Variants in NTNG1 observed in about 807,000 individuals in gnomAD.
NTNG1 encodes the protein netrin-G1.
NTNG1 carries 16 observed loss-of-function variants against 54.0 expected under a neutral mutation model. That is an observed-to-expected ratio of 0.30 (90% CI 0.20 to 0.45). The LOEUF is 0.45. Ranked by LOEUF, NTNG1 falls within the 20% of genes least tolerant of loss-of-function variation. The probability of loss-of-function intolerance (pLI) is 1.00; values close to 1 mark genes in which losing one functional copy is unlikely to be tolerated. For missense variants in NTNG1, 530 were observed against 678.7 expected (o/e 0.78, Z 2.43); for synonymous variants, 255 against 263.1 (o/e 0.97, Z 0.30).
intron 5 of NTNG1, among the ~76,000 whole-genome samples, chr1:107,422,450 G>A (rs531746771): frequency 5.7e-4 from 86 of 152,152 alleles, no homozygotes; most frequent in Non-Finnish European, 9.4e-4. Flanking sequence ...TGCATCTCTA[G>A]TTTCTTGAGG....
At chr1:107,320,258 C>A (rs1667576715) in intron 2 of NTNG1, among the ~76,000 whole-genome samples, 1 of 152,010 alleles carries the variant, frequency 6.6e-6, no homozygotes, top group African/African-American at 2.4e-5. Flanking sequence ...TCTGCTTTGT[C>A]CACAATCAGC....
chr1:107,318,472 A>G (rs1438073974), intron 2 of NTNG1, among the ~76,000 whole-genome samples: 2 of 152,146 alleles, frequency 1.3e-5, no homozygotes, highest in Non-Finnish European at 2.9e-5. Flanking sequence ...AAGGAAAGAA[A>G]AAAAATCATA....
chr1:107,155,438 A>C (rs970767673), intron 2 of NTNG1, among the ~76,000 whole-genome samples: 2 of 151,876 alleles, frequency 1.3e-5, no homozygotes, highest in Non-Finnish European at 2.9e-5. Flanking sequence ...CTCTATCTCT[A>C]TCTCTCTATC....
rs148065837 is a variant in NTNG1, at chr1:107,336,515, A to C, written c.887+11593A>C. Among the ~76,000 whole-genome samples, 83 of 152,154 alleles carry C rather than the reference A, an allele frequency of 5.5e-4. 2 individuals are homozygous for C. In the East Asian group the frequency reaches 0.016, roughly 29 times the overall value. On this transcript the variant is annotated intron_variant, in intron 3 of 7. Coordinates refer to ENST00000370068, the MANE Select transcript of NTNG1 (RefSeq NM_001113226.3). ...CCTAAATGTAAGAGCTAAAACTATG[A>C]AATGTTTAGAAAAAAACAAAGGAAG...
At chr1:107,385,595 A>G (rs74746150) in intron 3 of NTNG1, among the ~76,000 whole-genome samples, 1 of 147,418 alleles carries the variant, frequency 6.8e-6, no homozygotes, top group Non-Finnish European at 1.5e-5. Flanking sequence ...GTTGTGAGGA[A>G]AAAAAAAAAA....
rs1056137155 is a variant in NTNG1, at chr1:107,191,611, G to A, written c.246+42772G>A. ...GCTTGAATTAATTTTTGTATAAGGT[G>A]TAAGGAAGGGATCCAGTTTCAGCTT... On this transcript the variant is annotated intron_variant, in intron 2 of 7. Transcript: ENST00000370068. 1.6e-3 allele frequency among the ~76,000 whole-genome samples: 237 copies of A among 151,914 alleles called. 1 individual carries two copies. Among genetic ancestry groups the A allele is most frequent in the African/African-American group, 5.5e-3 (226 of 41,288 alleles).
At chr1:107,190,920 A>G (rs1657863491) in intron 2 of NTNG1, among the ~76,000 whole-genome samples, 1 of 152,196 alleles carries the variant, frequency 6.6e-6, no homozygotes. Context: ...AGCATGATTT[A>G]TAATCCTTTG....
At chr1:107,193,985 T>C (rs1570812220) in intron 2 of NTNG1, among the ~76,000 whole-genome samples, 1 of 152,130 alleles carries the variant, frequency 6.6e-6, no homozygotes, top group African/African-American at 2.4e-5. Context: ...CCCTGAATTC[T>C]TGCCCAGGAT....
chr1:107,252,176 T>C (rs548379150), intron 2 of NTNG1, among the ~76,000 whole-genome samples: 2 of 152,222 alleles, frequency 1.3e-5, no homozygotes, highest in Non-Finnish European at 2.9e-5. Context: ...ATTTTGTCTA[T>C]TATTATTGCT....
chr1:107,210,885 T>G (rs1248601816), intron 2 of NTNG1, among the ~76,000 whole-genome samples: 1 of 152,138 alleles, frequency 6.6e-6, no homozygotes, highest in African/African-American at 2.4e-5. Context: ...GCCGAGTTTA[T>G]AAGACGCTCC....
At chr1:107,380,032 G>T (rs1228294243) in intron 3 of NTNG1, among the ~76,000 whole-genome samples, 1 of 152,152 alleles carries the variant, frequency 6.6e-6, no homozygotes, top group Non-Finnish European at 1.5e-5. Context: ...AACTTGACTG[G>T]CCAAGCATCA....
In NTNG1 at chr1:107,205,694, A is replaced by G. The variant is rs189275491; in HGVS notation, c.246+56855A>G. On this transcript the variant is annotated intron_variant, in intron 2 of 7. Transcript: ENST00000370068. ...TGCCCCATCCTAAGTATACAGAACA[A>G]TGAATTTTCACAAACTGAAAGTCAC... Among the ~76,000 whole-genome samples, 185 of 152,258 alleles carry G rather than the reference A, an allele frequency of 1.2e-3. 2 individuals are homozygous for G. Among genetic ancestry groups the G allele is most frequent in the Middle Eastern group, 6.8e-3 (2 of 294 alleles).
In NTNG1 at chr1:107,248,994, C is replaced by CAAAAA. The variant is rs1196454799; in HGVS notation, c.247-75276_247-75272dup. 4.6e-3 allele frequency among the ~76,000 whole-genome samples: 503 copies of CAAAAA among 109,062 alleles called. 5 individuals are homozygous for CAAAAA. The highest frequency in any genetic ancestry group is 0.015 in the African/African-American group (454 of 30,030). The allele number at this position is 109,062 out of a possible 152,430, so 71.5% of individuals were successfully genotyped here. A position where few individuals can be genotyped will look rare whatever the true frequency, so the allele number is the denominator to read the frequency against. On this transcript the variant is annotated intron_variant, in intron 2 of 7. Transcript: ENST00000370068. ...TGAAACTCTGTCTCTACTAAAAGTA[C>CAAAAA]AAAAAAAAAAAAAAAATTAGCTGGG...
chr1:107,484,914 G>A lies in NTNG1; in HGVS notation c.*4074G>A, dbSNP rs573873013. ...TGTTTAACAGATTCTCTGCTCACAG[G>A]ATTGACCAAGATATGTGGGAACTGC... On this transcript the variant is annotated 3_prime_UTR_variant, in exon 8 of 8. Transcript: ENST00000370068. Among the ~76,000 whole-genome samples the A allele has an allele frequency of 6.6e-6, 1 of 152,322 alleles. No homozygotes were observed.
At chr1:107,200,225 A>G (rs946273703) in intron 2 of NTNG1, among the ~76,000 whole-genome samples, 1 of 151,870 alleles carries the variant, frequency 6.6e-6, no homozygotes, top group Non-Finnish European at 1.5e-5. Context: ...ATTCATAAAC[A>G]TTCTTTTGGT....
chr1:107,372,686 T>C (rs1459161729), intron 3 of NTNG1, among the ~76,000 whole-genome samples: 1 of 152,146 alleles, frequency 6.6e-6, no homozygotes, highest in Admixed American at 6.5e-5. Flanking sequence ...TTGTCAAGTC[T>C]ACTATAAACT....
At chr1:107,289,473 T>C (rs1348752218) in intron 2 of NTNG1, among the ~76,000 whole-genome samples, 2 of 152,192 alleles carry the variant, frequency 1.3e-5, no homozygotes, top group African/African-American at 2.4e-5. Flanking sequence ...TTGCCTTGCC[T>C]CCTAGCTTTG....
In NTNG1 at chr1:107,219,643, G is replaced by A. The variant is rs1660212401; in HGVS notation, c.246+70804G>A. 2.0e-5 allele frequency among the ~76,000 whole-genome samples: 3 copies of A among 152,156 alleles called. 1 individual carries two copies. In the South Asian group the frequency reaches 6.2e-4, roughly 32 times the overall value. ...CTCTCCCCTTTCCCCTAGGGATGGG[G>A]CTTCCTGAGAGCTGAACTAACTGTA... On this transcript the variant is annotated intron_variant, in intron 2 of 7. Transcript: ENST00000370068.
chr1:107,217,527 C>T (rs150146566), intron 2 of NTNG1, among the ~76,000 whole-genome samples: 7 of 152,126 alleles, frequency 4.6e-5, no homozygotes, highest in Non-Finnish European at 1.0e-4. Context: ...TCTCCAGCTC[C>T]TTGAGGTGGG....
Sources: gnomAD v4.1 joint callset for allele counts (sites outside exome capture counted in the v4.1 genomes callset) on GRCh38, gnomAD v4.1.1 for gene constraint, MANE v1.5 for transcripts, NCBI Gene and HGNC (gene_info 2026-07-23, HGNC 2026-07-21) for gene names.